The following GRM5 variants were observed in gnomAD, a reference collection of about 807,000 sequenced individuals.
GRM5 encodes glutamate metabotropic receptor 5.
Under a neutral mutation model 83.1 loss-of-function variants are expected in GRM5, and 19 were observed. The ratio of observed to expected loss-of-function variants is 0.23; its 90% CI spans 0.16 to 0.34. The LOEUF (loss-of-function observed/expected upper bound fraction) is 0.34, where lower values mean the gene tolerates loss of function less well. Ranked by LOEUF, GRM5 falls within the 10% of genes least tolerant of loss-of-function variation. GRM5 has a pLI of 1.00. For synonymous variants in GRM5, 675 were observed against 633.6 expected (o/e 1.07, Z -0.98); for missense variants, 1,160 against 1,588.3 (o/e 0.73, Z 4.58).
At position 88,508,763 on chromosome 11, in the gene GRM5, G is replaced by A. The variant is rs1941255162; in HGVS notation, c.3468C>T (p.Asp1156=). The change falls in exon 10 of 10, where the codon GAC becomes GAT. Residue 1156 remains aspartate, a synonymous_variant. Transcript: ENST00000305447. The surrounding 1 kb of genome is among the most constrained non-coding windows in gnomAD (Gnocchi z 4.2). ...AGPEAAAAKP[D]LEELVALTPP... ...GGGTGAGAGCCACCAGCTCCTCCAG[G>A]TCTGGCTTGGCGGCCGCAGCCTCGG... 12 of 1,516,380 alleles carry A rather than the reference G, an allele frequency of 7.9e-6. No homozygotes were observed. Among genetic ancestry groups the A allele is most frequent in the Non-Finnish European group, 1.1e-5 (12 of 1,138,152 alleles). The allele number at this position is 1,516,380 out of a possible 1,614,324, so 93.9% of individuals were successfully genotyped here. A position where few individuals can be genotyped will look rare whatever the true frequency, so the allele number is the denominator to read the frequency against.
chr11:89,036,184 G>T (rs1294118881), intron 2 of GRM5, among the ~76,000 whole-genome samples: 1 of 152,034 alleles, frequency 6.6e-6, no homozygotes, highest in Non-Finnish European at 1.5e-5. Flanking sequence ...TCCAGGCCTT[G>T]CTCATCTTAC....
chr11:88,579,439 T>C (rs1198303110), intron 7 of GRM5, among the ~76,000 whole-genome samples: 1 of 151,840 alleles, frequency 6.6e-6, no homozygotes, highest in Non-Finnish European at 1.5e-5. Flanking sequence ...TAGTATGAGG[T>C]GATATAAGAG....
chr11:88,623,181 G>A (rs1440668190), intron 4 of GRM5, among the ~76,000 whole-genome samples: 2 of 152,118 alleles, frequency 1.3e-5, no homozygotes, highest in Non-Finnish European at 2.9e-5. Context: ...TGCCTCCCAG[G>A]TTCAAGCGAT....
intron 2 of GRM5, among the ~76,000 whole-genome samples, chr11:88,856,787 A>C (rs1944486789): frequency 6.6e-6 from 1 of 152,042 alleles, no homozygotes; most frequent in African/African-American, 2.4e-5. Context: ...ACTAGATGAG[A>C]GGAAGTTTTT....
intron 3 of GRM5, among the ~76,000 whole-genome samples, chr11:88,731,024 AC>A (rs1371356636): frequency 2.6e-5 from 4 of 152,302 alleles, no homozygotes; most frequent in South Asian, 2.1e-4. Context: ...TAATAAAAAA[AC>A]ATAAATATTA....
At chr11:88,941,523 G>A (rs1446300706) in intron 2 of GRM5, among the ~76,000 whole-genome samples, 1 of 41,772 alleles carries the variant, frequency 2.4e-5, no homozygotes, top group Non-Finnish European at 8.4e-5. Flanking sequence ...AGAGGAGAGA[G>A]GAGGGGAGAG....
At chr11:88,572,543 A>G (rs972001452) in intron 7 of GRM5, among the ~76,000 whole-genome samples, 6 of 152,100 alleles carry the variant, frequency 3.9e-5, no homozygotes, top group African/African-American at 1.4e-4. Flanking sequence ...CTTCACTAGT[A>G]TTAGATTTAT....
intron 1 of GRM5, among the ~76,000 whole-genome samples, chr11:89,054,429 C>A (rs567515343): frequency 6.6e-6 from 1 of 152,206 alleles, no homozygotes; most frequent in South Asian, 2.1e-4. Flanking sequence ...TTTGATATAT[C>A]AAGTTGCACA....
chr11:88,685,271 C>T (rs1940591256), intron 3 of GRM5, among the ~76,000 whole-genome samples: 1 of 152,126 alleles, frequency 6.6e-6, no homozygotes, highest in South Asian at 2.1e-4. Context: ...GCATTTTGCT[C>T]CTGCCCTAGA....
chr11:88,958,873 T>TATTTTTAGTGTGAAGGGTGGC (rs1481954229), intron 2 of GRM5, among the ~76,000 whole-genome samples: 1 of 152,142 alleles, frequency 6.6e-6, no homozygotes, highest in South Asian at 2.1e-4. Context: ...AATATAGAAA[T>TATTTTTAGTGTGAAGGGTGGC]ATTTTTAGTG....
At position 88,735,668 on chromosome 11, in the gene GRM5, ATCTG is replaced by A. The variant is rs567854834; in HGVS notation, c.912-82269_912-82266del. Reference sequence around the variant, plus strand: ...AACAATGCCACACACTTGCATTGACATCTGTCTGTGTATTCTGTCTTCCCATTAA... The same window carrying A: ...AACAATGCCACACACTTGCATTGACATCTGTGTATTCTGTCTTCCCATTAA... On this transcript the variant is annotated intron_variant, in intron 3 of 9. Transcript: ENST00000305447. 1.8e-4 allele frequency among the ~76,000 whole-genome samples: 27 copies of A among 152,200 alleles called. No homozygotes were observed. In the East Asian group the frequency reaches 2.7e-3, roughly 15 times the overall value.
intron 2 of GRM5, among the ~76,000 whole-genome samples, chr11:89,002,918 A>G (rs1433712349): frequency 6.6e-6 from 1 of 151,986 alleles, no homozygotes; most frequent in Non-Finnish European, 1.5e-5. Context: ...CTAATATTCA[A>G]TTTAGCCTAT....
intron 4 of GRM5, among the ~76,000 whole-genome samples, chr11:88,625,456 A>T (rs901677388): frequency 1.3e-5 from 2 of 152,208 alleles, no homozygotes; most frequent in African/African-American, 4.8e-5. Context: ...AAAAATCCTT[A>T]GAAAAGAAGT....
chr11:88,707,026 A>G (rs1591454614), intron 3 of GRM5, among the ~76,000 whole-genome samples: 1 of 152,180 alleles, frequency 6.6e-6, no homozygotes, highest in Admixed American at 6.5e-5. Context: ...AAGTGCTCCA[A>G]GGAATGATTC....
At chr11:88,562,049 A>G (rs1478565927) in intron 8 of GRM5, among the ~76,000 whole-genome samples, 2 of 152,104 alleles carry the variant, frequency 1.3e-5, no homozygotes, top group Admixed American at 6.6e-5. Context: ...TCTTGGGTCT[A>G]TGATGATGTT....
At chr11:89,012,372 A>T (rs1444852720) in intron 2 of GRM5, among the ~76,000 whole-genome samples, 1 of 152,206 alleles carries the variant, frequency 6.6e-6, no homozygotes, top group Non-Finnish European at 1.5e-5. Flanking sequence ...CACTCCTTAC[A>T]TCAGAGCATC....
chr11:88,605,444 C>T (rs374522941), intron 4 of GRM5, among the ~76,000 whole-genome samples: 6 of 151,526 alleles, frequency 4.0e-5, no homozygotes, highest in East Asian at 1.9e-4. Flanking sequence ...TCACCCAGTA[C>T]GTCTAATCTC....
At chr11:88,525,661 A>G (rs1161996801) in intron 8 of GRM5, among the ~76,000 whole-genome samples, 2 of 152,226 alleles carry the variant, frequency 1.3e-5, no homozygotes, top group South Asian at 2.1e-4. Flanking sequence ...TAAACTGAAT[A>G]TGTCACATTT....
At chr11:88,677,060 G>T (rs1940348665) in intron 3 of GRM5, among the ~76,000 whole-genome samples, 1 of 151,968 alleles carries the variant, frequency 6.6e-6, no homozygotes, top group Admixed American at 6.6e-5. Flanking sequence ...AATTAATTAA[G>T]AACTCTACAC....
Sources: allele counts gnomAD v4.1 joint callset (sites outside exome capture counted in the v4.1 genomes callset), GRCh38; gene constraint gnomAD v4.1.1; non-coding constraint Gnocchi (gnomAD v3.1); transcripts MANE v1.5; gene names NCBI Gene and HGNC (gene_info 2026-07-23, HGNC 2026-07-21).